GALNT13: variants seen among roughly 807,000 people sequenced by gnomAD.
GALNT13 encodes UDP-GalNAc:polypeptide N-acetylgalactosaminyltransferase 13.
In GALNT13, 28 loss-of-function variants were observed where a neutral mutation model predicts 64.2. The ratio of observed to expected loss-of-function variants is 0.44; its 90% CI spans 0.32 to 0.60. The LOEUF is 0.60. GALNT13 is among the 20% of genes least tolerant of loss of function. The pLI is 0.05. For missense variants in GALNT13, 577 were observed against 669.8 expected, an observed-to-expected ratio of 0.86 and a Z score of 1.53; for synonymous variants, 214 against 224.6, an observed-to-expected ratio of 0.95 and a Z score of 0.42.
chr2:153,229,372 A>G, the GALNT13 span, among the ~76,000 whole-genome samples: 1 of 152,190 alleles, frequency 6.6e-6, no homozygotes, highest in African/African-American at 2.4e-5. Context: ...TATTGCTATC[A>G]TATCAAAGGA....
the GALNT13 span, among the ~76,000 whole-genome samples, chr2:153,247,418 G>A: frequency 0.46 from 69,455 of 151,992 alleles, 16,305 homozygotes; most frequent in Non-Finnish European, 0.5. Flanking sequence ...GCAAAAGAAT[G>A]GAAATCATAA....
the GALNT13 span, among the ~76,000 whole-genome samples, chr2:153,239,372 A>G: frequency 6.6e-6 from 1 of 152,228 alleles, no homozygotes; most frequent in Non-Finnish European, 1.5e-5. Flanking sequence ...TCACAGCAAT[A>G]TTGAATAACA....
Position 154,168,673 on chromosome 2 carries a change from T to TA in GALNT13, c.311+28188dup, listed in dbSNP as rs70983708. 1.1e-3 allele frequency among the ~76,000 whole-genome samples: 115 copies of TA among 101,086 alleles called. 2 individuals are homozygous for TA. The highest frequency in any genetic ancestry group is 2.1e-3 in the African/African-American group (68 of 32,002). The allele number at this position is 101,086 out of a possible 152,430, so 66.3% of individuals were successfully genotyped here. On this transcript the variant is annotated intron_variant, in intron 4 of 12. Transcript: ENST00000392825. ...CATAGTGAAACCTCATCTCTACTAT[T>TA]AAAAAAAAAAAAAAAAAAAAGTAGC...
the GALNT13 span, among the ~76,000 whole-genome samples, chr2:153,426,590 A>C: frequency 6.6e-6 from 1 of 152,068 alleles, no homozygotes; most frequent in Non-Finnish European, 1.5e-5. Context: ...GTTCATGTGC[A>C]TATACTCTGT....
chr2:153,202,373 T>G, the GALNT13 span, among the ~76,000 whole-genome samples: 1 of 152,220 alleles, frequency 6.6e-6, no homozygotes, highest in Admixed American at 6.5e-5. Flanking sequence ...AGGTGTGCCT[T>G]AGAATTCACA....
chr2:153,501,075 A>T, the GALNT13 span, among the ~76,000 whole-genome samples: 15,486 of 151,800 alleles, frequency 0.1, 861 homozygotes, highest in Middle Eastern at 0.15. Context: ...AAAAAAAAAA[A>T]ATATATAAAT....
chr2:154,008,440 T>A (rs974075899), intron 3 of GALNT13, among the ~76,000 whole-genome samples: 3 of 152,150 alleles, frequency 2.0e-5, no homozygotes, highest in African/African-American at 7.2e-5. Flanking sequence ...TTTAAAATCT[T>A]TCATTTTAGG....
At chr2:153,553,037 G>A in the GALNT13 span, among the ~76,000 whole-genome samples, 282 of 152,250 alleles carry the variant, frequency 1.9e-3, 5 homozygotes, top group East Asian at 0.053. Flanking sequence ...GTGGGTTGGG[G>A]ACCCCTTTTC....
the GALNT13 span, among the ~76,000 whole-genome samples, chr2:153,371,536 A>T: frequency 6.6e-6 from 1 of 152,336 alleles, no homozygotes; most frequent in Non-Finnish European, 1.5e-5. Flanking sequence ...ATATGCAATT[A>T]TAAAAACAGT....
the GALNT13 span, among the ~76,000 whole-genome samples, chr2:153,628,146 T>C: frequency 6.6e-6 from 1 of 152,140 alleles, no homozygotes; most frequent in African/African-American, 2.4e-5. Flanking sequence ...TTTGGCTCTC[T>C]GTCTGTTATT....
the GALNT13 span, among the ~76,000 whole-genome samples, chr2:153,746,230 A>G: frequency 6.6e-6 from 1 of 152,158 alleles, no homozygotes; most frequent in African/African-American, 2.4e-5. Flanking sequence ...AGCTCAAATT[A>G]TTTTTTAAAA....
the GALNT13 span, among the ~76,000 whole-genome samples, chr2:153,736,208 C>G: frequency 6.6e-6 from 1 of 152,144 alleles, no homozygotes; most frequent in Non-Finnish European, 1.5e-5. Flanking sequence ...TTTATTAACA[C>G]ATTCATTTAA....
chr2:153,733,426 T>C, the GALNT13 span, among the ~76,000 whole-genome samples: 1 of 152,142 alleles, frequency 6.6e-6, no homozygotes, highest in African/African-American at 2.4e-5. Flanking sequence ...AAAGCTTCAA[T>C]AAATATATGT....
At chr2:153,964,241 G>T (rs184749156) in intron 3 of GALNT13, among the ~76,000 whole-genome samples, 102 of 152,238 alleles carry the variant, frequency 6.7e-4, no homozygotes, top group Admixed American at 6.3e-3. Flanking sequence ...TTGAGCTCAG[G>T]AGTTTGAGAC....
chr2:154,382,705 G>A (rs775473378), intron 9 of GALNT13, among the ~76,000 whole-genome samples: 21 of 151,856 alleles, frequency 1.4e-4, no homozygotes, highest in Admixed American at 5.3e-4. Context: ...AGGACAGAAG[G>A]GGAAAATTGG....
At chr2:153,801,267 C>T in the GALNT13 span, among the ~76,000 whole-genome samples, 53 of 150,438 alleles carry the variant, frequency 3.5e-4, no homozygotes, top group African/African-American at 1.2e-3. Flanking sequence ...TTTTCCTTTA[C>T]ATTCACATCT....
In GALNT13 at chr2:153,872,524, T is replaced by C. The variant is rs1686023600; in HGVS notation, c.-177+221T>C. Among the ~76,000 whole-genome samples the C allele has an allele frequency of 3.3e-5, 5 of 150,338 alleles. No individual in the cohort carries two copies. In the South Asian group the frequency reaches 8.4e-4, roughly 25 times the overall value. On this transcript the variant is annotated intron_variant, in intron 1 of 12. Coordinates refer to ENST00000392825, the MANE Select transcript of GALNT13 (RefSeq NM_052917.4). ...CTCCGAGTGCGCTCGCTTGCGGGGC[T>C]GCAGGTGTTGCGGGAGGACCGCGTG... is the stretch of plus-strand genomic sequence containing the variant.
At position 154,383,354 on chromosome 2, in the gene GALNT13, G is replaced by A. The variant is rs189375056; in HGVS notation, c.1157-12637G>A. ...AAAAGGTGCTATTATTAGCACTGCT[G>A]TATAAATAGAAATCTTTAGATGTCA... On this transcript the variant is annotated intron_variant, in intron 9 of 12. Transcript: ENST00000392825. 9.2e-5 allele frequency among the ~76,000 whole-genome samples: 14 copies of A among 151,908 alleles called. No homozygotes were observed. The East Asian group carries it at 2.5e-3, about 27-fold the overall frequency.
chr2:153,797,812 C>T, the GALNT13 span, among the ~76,000 whole-genome samples: 3 of 152,166 alleles, frequency 2.0e-5, no homozygotes, highest in African/African-American at 4.8e-5. Flanking sequence ...CATGCTATTG[C>T]TGGCCTATGC....
Sources: gnomAD v4.1 joint callset for allele counts (sites outside exome capture counted in the v4.1 genomes callset) on GRCh38, gnomAD v4.1.1 for gene constraint, MANE v1.5 for transcripts, NCBI Gene and HGNC (gene_info 2026-07-23, HGNC 2026-07-21) for gene names.